The following GABRG1 variants were observed in gnomAD, a reference collection of about 807,000 sequenced individuals.
GABRG1 encodes gamma-aminobutyric acid receptor subunit gamma-1.
Under a neutral mutation model 49.8 loss-of-function variants are expected in GABRG1, and 49 were observed. The observed-to-expected ratio is 0.98, with a 90% CI of 0.78 to 1.25. The LOEUF is 1.25. Among genes scored for constraint, GABRG1 ranks in the 50% most tolerant of loss-of-function variants. The probability of loss-of-function intolerance (pLI) is 0.00; values close to 1 mark genes in which losing one functional copy is unlikely to be tolerated. For missense variants in GABRG1, 552 were observed against 552.3 expected, an observed-to-expected ratio of 1.00 and a Z score of 0.01; for synonymous variants, 232 against 185.1, an observed-to-expected ratio of 1.25 and a Z score of -2.06.
chr4:46,069,646 T>C (rs1322565332), intron 3 of GABRG1, among the ~76,000 whole-genome samples: 1 of 152,132 alleles, frequency 6.6e-6, no homozygotes, highest in African/African-American at 2.4e-5. Flanking sequence ...TTGTGCTCTC[T>C]TTTTATATCT....
intron 1 of GABRG1, among the ~76,000 whole-genome samples, chr4:46,119,283 CT>C (rs113736801): frequency 1.1e-4 from 17 of 151,178 alleles, no homozygotes; most frequent in African/African-American, 2.9e-4. Flanking sequence ...CTCTTCTCCT[CT>C]TTTTTTCTCC....
chr4:46,056,777 G>T (rs1275379237), intron 7 of GABRG1, among the ~76,000 whole-genome samples: 1 of 152,070 alleles, frequency 6.6e-6, no homozygotes, highest in African/African-American at 2.4e-5. Flanking sequence ...ATATGTGTGT[G>T]CATGTATATT....
chr4:46,065,754 G>C (rs972990035), intron 3 of GABRG1, among the ~76,000 whole-genome samples, 170 bp from the exon 4 acceptor site: 1 of 151,788 alleles, frequency 6.6e-6, no homozygotes, highest in South Asian at 2.1e-4. Flanking sequence ...ACAGAGTCTC[G>C]CTCTGTCTCC....
rs1440818562 is a variant in GABRG1, at chr4:46,040,698, G to T, written c.*290C>A. On this transcript the variant is annotated 3_prime_UTR_variant, in exon 9 of 9. Coordinates refer to ENST00000295452, the MANE Select transcript of GABRG1 (RefSeq NM_173536.4). ...TTCCATCTTTAAAACATGAATCATA[G>T]AACTTAAAAATTCAAAATTATAATA... The T allele has an allele frequency of 5.0e-6, 1 of 199,382 alleles. No individual in the cohort carries two copies. The highest frequency in any genetic ancestry group is 1.0e-5 in the Non-Finnish European group (1 of 99,972). The allele number at this position is 199,382 out of a possible 1,614,324, so 12.4% of individuals were successfully genotyped here. A position where few individuals can be genotyped will look rare whatever the true frequency, so the allele number is the denominator to read the frequency against.
chr4:46,059,097 T>G (rs564217947), intron 5 of GABRG1, among the ~76,000 whole-genome samples: 1 of 152,300 alleles, frequency 6.6e-6, no homozygotes, highest in African/African-American at 2.4e-5. Context: ...TAAGAATGTA[T>G]TTTTTAATAT....
chr4:46,056,979 A>G (rs1718478298), intron 7 of GABRG1, among the ~76,000 whole-genome samples: 1 of 152,166 alleles, frequency 6.6e-6, no homozygotes, highest in South Asian at 2.1e-4. Flanking sequence ...ACCCAGTGGT[A>G]TAAATAATCC....
At chr4:46,042,425 G>A (rs1431832933) in intron 8 of GABRG1, among the ~76,000 whole-genome samples, 2 of 151,886 alleles carry the variant, frequency 1.3e-5, no homozygotes, top group East Asian at 1.9e-4. Flanking sequence ...AACATATTTT[G>A]AGGGTTATCT....
intron 1 of GABRG1, 59 bp downstream of exon 1, chr4:46,123,751 G>C: frequency 8.4e-7 from 1 of 1,193,118 alleles, no homozygotes; most frequent in East Asian, 2.3e-5. Context: ...AAAAGAAAGG[G>C]GAATAAGGGG....
chr4:46,056,250 A>T (rs1366663663), intron 7 of GABRG1, among the ~76,000 whole-genome samples: 1 of 151,616 alleles, frequency 6.6e-6, no homozygotes, highest in Non-Finnish European at 1.5e-5. Flanking sequence ...ACCTGATCTA[A>T]CTATTGGCCC....
intron 8 of GABRG1, among the ~76,000 whole-genome samples, chr4:46,043,450 A>G (rs1162811159): frequency 6.6e-6 from 1 of 152,068 alleles, no homozygotes; most frequent in East Asian, 1.9e-4. Flanking sequence ...AGAAATGGAC[A>G]TATAAATGCT....
chr4:46,075,007 T>C (rs1719272031), intron 3 of GABRG1, among the ~76,000 whole-genome samples: 1 of 151,966 alleles, frequency 6.6e-6, no homozygotes. Flanking sequence ...GGCAAGATCA[T>C]AATTATTATA....
At chr4:46,061,209 A>C (rs1327838302) in intron 5 of GABRG1, among the ~76,000 whole-genome samples, 4 of 152,114 alleles carry the variant, frequency 2.6e-5, no homozygotes, top group Non-Finnish European at 4.4e-5. Flanking sequence ...CTATCAATCA[A>C]GTATTTGTTG....
At chr4:46,057,464 A>T (rs1346238079) in intron 7 of GABRG1, among the ~76,000 whole-genome samples, 1 of 152,108 alleles carries the variant, frequency 6.6e-6, no homozygotes, top group Non-Finnish European at 1.5e-5. Context: ...GAATCAATTG[A>T]TTAACAAGTT....
intron 8 of GABRG1, among the ~76,000 whole-genome samples, chr4:46,047,222 T>C (rs1718033456): frequency 6.6e-6 from 1 of 152,124 alleles, no homozygotes; most frequent in Admixed American, 6.6e-5. Context: ...GCTTAGTGGC[T>C]ATTATATTGG....
At chr4:46,074,567 G>C (rs1462564499) in intron 3 of GABRG1, among the ~76,000 whole-genome samples, 1 of 152,054 alleles carries the variant, frequency 6.6e-6, no homozygotes, top group Non-Finnish European at 1.5e-5. Context: ...AACAATTTCA[G>C]TTATGGTAAT....
intron 3 of GABRG1, among the ~76,000 whole-genome samples, chr4:46,073,385 A>C (rs1719212194): frequency 6.6e-6 from 1 of 152,028 alleles, no homozygotes. Flanking sequence ...TAAACTCTTT[A>C]CCGTAACTCA....
chr4:46,079,962 T>C (rs1346097312), intron 3 of GABRG1, among the ~76,000 whole-genome samples: 3 of 151,926 alleles, frequency 2.0e-5, no homozygotes, highest in Non-Finnish European at 2.9e-5. Flanking sequence ...ATATTGAAGA[T>C]AGTTATAATC....
At chr4:46,084,785 A>G (rs1719693684) in intron 2 of GABRG1, among the ~76,000 whole-genome samples, 1 of 151,636 alleles carries the variant, frequency 6.6e-6, no homozygotes, top group South Asian at 2.1e-4. Flanking sequence ...GCTAGCCATC[A>G]ATTAGATATC....
intron 5 of GABRG1, among the ~76,000 whole-genome samples, chr4:46,059,573 T>A: frequency 6.6e-6 from 1 of 151,906 alleles, no homozygotes; most frequent in East Asian, 1.9e-4. Flanking sequence ...TTTTTTAATT[T>A]TCTTTTTATT....
Sources: gnomAD v4.1 joint callset for allele counts (sites outside exome capture counted in the v4.1 genomes callset) on GRCh38, gnomAD v4.1.1 for gene constraint, MANE v1.5 for transcripts, NCBI Gene and HGNC (gene_info 2026-07-23, HGNC 2026-07-21) for gene names.